The following LUZP2 variants were observed in gnomAD, a reference collection of about 807,000 sequenced individuals.
LUZP2 encodes the protein leucine zipper protein 2.
LUZP2 carries 52 observed loss-of-function variants against 51.6 expected under a neutral mutation model. The ratio of observed to expected loss-of-function variants is 1.01; its 90% CI spans 0.81 to 1.27. The LOEUF is 1.27. Ranked by LOEUF, LUZP2 falls within the 50% of genes most tolerant of loss-of-function variation. The pLI, the probability that LUZP2 is intolerant of heterozygous loss-of-function variation, is 0.00. For synonymous variants in LUZP2, 154 were observed against 137.3 expected, an observed-to-expected ratio of 1.12 and a Z score of -0.85; for missense variants, 436 against 395.4, an observed-to-expected ratio of 1.10 and a Z score of -0.87.
intron 7 of LUZP2, among the ~76,000 whole-genome samples, chr11:24,940,143 C>A (rs1326375076): frequency 2.0e-5 from 3 of 151,974 alleles, no homozygotes; most frequent in Admixed American, 6.6e-5. Flanking sequence ...GAAAACAGAG[C>A]CCCCACAAAA....
intron 7 of LUZP2, among the ~76,000 whole-genome samples, chr11:24,922,513 T>C (rs1307989168): frequency 2.0e-5 from 3 of 152,352 alleles, no homozygotes; most frequent in Non-Finnish European, 4.4e-5. Context: ...CATGTTAAAC[T>C]AATTTTTAAT....
chr11:24,758,369 C>T (rs1280371304), intron 4 of LUZP2, among the ~76,000 whole-genome samples: 1 of 151,126 alleles, frequency 6.6e-6, no homozygotes, highest in Non-Finnish European at 1.5e-5. Flanking sequence ...GTGTGTATAT[C>T]ATGAATATTT....
In LUZP2 at chr11:24,514,313, C is replaced by T. The variant is rs1281348349; in HGVS notation, c.62+17008C>T. 2.0e-5 allele frequency among the ~76,000 whole-genome samples: 3 copies of T among 152,262 alleles called. No homozygotes were observed. In the East Asian group the frequency reaches 5.8e-4, roughly 29 times the overall value. ...GATGGTGATGATCAGTCTTTGGTTC[C>T]TCATCCATGGTGAAACTGAGAGCAT... On this transcript the variant is annotated intron_variant, in intron 1 of 11. Coordinates refer to ENST00000336930, the MANE Select transcript of LUZP2 (RefSeq NM_001009909.4).
chr11:24,714,188 T>C (rs1268451706), intron 1 of LUZP2, among the ~76,000 whole-genome samples: 1 of 151,982 alleles, frequency 6.6e-6, no homozygotes, highest in African/African-American at 2.4e-5. Flanking sequence ...AAATACCTAA[T>C]GCATGCGGGG....
intron 11 of LUZP2, among the ~76,000 whole-genome samples, 171 bp from the exon 12 acceptor site, chr11:25,078,383 A>G (rs1048338319): frequency 2.6e-5 from 4 of 152,190 alleles, no homozygotes; most frequent in Non-Finnish European, 5.9e-5. Context: ...TACTTTTATG[A>G]AATATAATTA....
intron 1 of LUZP2, among the ~76,000 whole-genome samples, chr11:24,599,689 C>G (rs1385498422): frequency 6.6e-6 from 1 of 152,128 alleles, no homozygotes; most frequent in African/African-American, 2.4e-5. Context: ...CCATATTTCA[C>G]AGTTTTTTTC....
chr11:24,664,293 A>G (rs1356289841), intron 1 of LUZP2, among the ~76,000 whole-genome samples: 1 of 152,166 alleles, frequency 6.6e-6, no homozygotes, highest in Non-Finnish European at 1.5e-5. Flanking sequence ...TAGAACTTTG[A>G]ATTTGAAAGA....
chr11:24,820,837 A>G (rs112499891), intron 5 of LUZP2, among the ~76,000 whole-genome samples: 5 of 152,292 alleles, frequency 3.3e-5, no homozygotes, highest in South Asian at 2.1e-4. Context: ...CTTGGAAGTC[A>G]CTTAGACAAG....
intron 5 of LUZP2, among the ~76,000 whole-genome samples, chr11:24,802,109 T>C (rs994400782): frequency 6.6e-6 from 1 of 152,096 alleles, no homozygotes; most frequent in African/African-American, 2.4e-5. Flanking sequence ...CCACTATCTT[T>C]ACTTCTAACA....
At chr11:24,660,870 G>T (rs1855997874) in intron 1 of LUZP2, among the ~76,000 whole-genome samples, 1 of 151,970 alleles carries the variant, frequency 6.6e-6, no homozygotes. Context: ...AAATAATACT[G>T]CTTATATAAT....
At chr11:24,752,591 A>G (rs1859634084) in intron 4 of LUZP2, among the ~76,000 whole-genome samples, 1 of 152,178 alleles carries the variant, frequency 6.6e-6, no homozygotes, top group Admixed American at 6.6e-5. Flanking sequence ...GCAGTGCAAC[A>G]AGGGGACATA....
intron 5 of LUZP2, among the ~76,000 whole-genome samples, chr11:24,791,130 C>T (rs1056136528): frequency 2.0e-5 from 3 of 152,128 alleles, no homozygotes; most frequent in African/African-American, 4.8e-5. Context: ...CAAAACACTT[C>T]GTAATAATTG....
intron 5 of LUZP2, among the ~76,000 whole-genome samples, chr11:24,879,784 A>G (rs142619132): frequency 0.013 from 2,019 of 152,182 alleles, 24 homozygotes; most frequent in Middle Eastern, 0.02. Flanking sequence ...GAGCCTCACA[A>G]TTTTTACTGG....
At chr11:25,013,156 G>T (rs1430965428) in intron 9 of LUZP2, among the ~76,000 whole-genome samples, 1 of 152,116 alleles carries the variant, frequency 6.6e-6, no homozygotes, top group Non-Finnish European at 1.5e-5. Context: ...TCCCTTATAT[G>T]TGGGAGCTAA....
At chr11:24,581,322 C>A (rs1286254742) in intron 1 of LUZP2, among the ~76,000 whole-genome samples, 1 of 152,094 alleles carries the variant, frequency 6.6e-6, no homozygotes, top group Non-Finnish European at 1.5e-5. Flanking sequence ...CAAAACTCTA[C>A]ATTTCATTTA....
chr11:24,920,766 G>T (rs948725181), intron 7 of LUZP2, among the ~76,000 whole-genome samples: 2 of 151,838 alleles, frequency 1.3e-5, no homozygotes, highest in African/African-American at 4.8e-5. Context: ...ATAGAGTATG[G>T]AATGATGGAT....
chr11:24,661,823 C>T (rs1027331203), intron 1 of LUZP2, among the ~76,000 whole-genome samples: 2 of 152,016 alleles, frequency 1.3e-5, no homozygotes, highest in Non-Finnish European at 2.9e-5. Flanking sequence ...GTTGACTTTT[C>T]TTTGAAGTTG....
intron 7 of LUZP2, among the ~76,000 whole-genome samples, chr11:24,973,283 G>A (rs1855797244): frequency 6.7e-6 from 1 of 148,962 alleles, no homozygotes; most frequent in African/African-American, 2.5e-5. Flanking sequence ...AGTCAGTGAT[G>A]GTATCTCCAT....
intron 9 of LUZP2, among the ~76,000 whole-genome samples, chr11:25,003,758 A>G (rs1030757514): frequency 1.3e-5 from 2 of 152,150 alleles, no homozygotes; most frequent in African/African-American, 4.8e-5. Flanking sequence ...CCCAGACTTC[A>G]GGGTTGACTC....
Sources: allele counts gnomAD v4.1 joint callset (sites outside exome capture counted in the v4.1 genomes callset), GRCh38; gene constraint gnomAD v4.1.1; transcripts MANE v1.5; gene names NCBI Gene and HGNC (gene_info 2026-07-23, HGNC 2026-07-21).